The following DYM variants were observed in gnomAD, a reference collection of about 807,000 sequenced individuals.
DYM encodes the protein dyggve-Melchior-Clausen syndrome protein.
Under a neutral mutation model 93.1 loss-of-function variants are expected in DYM, and 78 were observed. The ratio of observed to expected loss-of-function variants is 0.84; its 90% confidence interval spans 0.70 to 1.01. DYM has a LOEUF of 1.01. DYM is among the 50% of genes least tolerant of loss of function. The pLI is 0.00. For synonymous variants in DYM, 321 were observed against 319.7 expected, an observed-to-expected ratio of 1.00 and a Z score of -0.04; for missense variants, 789 against 845.0, an observed-to-expected ratio of 0.93 and a Z score of 0.82.
At chr18:49,444,206 C>T (rs1386074857) in intron 1 of DYM, among the ~76,000 whole-genome samples, 1 of 152,174 alleles carries the variant, frequency 6.6e-6, no homozygotes, top group Non-Finnish European at 1.5e-5. Context: ...ACCGTAATGT[C>T]ACAGGTAAAT....
intron 6 of DYM, among the ~76,000 whole-genome samples, chr18:49,350,430 G>A (rs184948984): frequency 1.3e-5 from 2 of 152,162 alleles, no homozygotes; most frequent in Admixed American, 6.5e-5. Context: ...ACTTTTGGCT[G>A]AGCGCAGTGG....
At chr18:49,236,851 T>C (rs2093882668) in intron 13 of DYM, among the ~76,000 whole-genome samples, 1 of 152,110 alleles carries the variant, frequency 6.6e-6, no homozygotes, top group Non-Finnish European at 1.5e-5. Flanking sequence ...TCTTTGCAAA[T>C]ATAACTTAGC....
At chr18:49,443,603 T>C (rs2081854741) in intron 1 of DYM, among the ~76,000 whole-genome samples, 1 of 152,158 alleles carries the variant, frequency 6.6e-6, no homozygotes, top group Admixed American at 6.6e-5. Context: ...ATAGGAAGTA[T>C]TACTAGACTA....
At position 49,319,308 on chromosome 18, in the gene DYM, C is replaced by G. The variant is rs144313208; in HGVS notation, c.763+12556G>C. Among the ~76,000 whole-genome samples the G allele has an allele frequency of 1.6e-4, 25 of 152,238 alleles. 1 individual carries two copies. The East Asian group carries it at 4.6e-3, about 28-fold the overall frequency. On this transcript the variant is annotated intron_variant, in intron 8 of 17. Coordinates refer to ENST00000675505, the MANE Select transcript of DYM (RefSeq NM_001353214.3). ...ATGTTAATAGGCCTGAAAAATGATACTGATAGCTAGCAAGGCTTCCAATTT... is the reference window on the plus strand; with the variant it reads ...ATGTTAATAGGCCTGAAAAATGATAGTGATAGCTAGCAAGGCTTCCAATTT...
chr18:49,405,644 CTT>C lies in DYM; in HGVS notation c.141-14001_141-14000del, dbSNP rs2071403650. ...TTTGTTACTGTAGCCTTATAGTATA[CTT>C]AGAGGTCAGATAATGTGATGCCTCC... On this transcript the variant is annotated intron_variant, in intron 2 of 17. Coordinates refer to ENST00000675505, the MANE Select transcript of DYM (RefSeq NM_001353214.3). Among the ~76,000 whole-genome samples the C allele has an allele frequency of 2.6e-5, 4 of 152,218 alleles. No individual in the cohort carries two copies. The South Asian group carries it at 8.3e-4, about 32-fold the overall frequency.
intron 13 of DYM, among the ~76,000 whole-genome samples, chr18:49,211,155 T>C (rs577251985): frequency 9.8e-5 from 15 of 152,302 alleles, no homozygotes; most frequent in Admixed American, 2.6e-4. Context: ...TGCTCACCCA[T>C]TGGCAGCTTT....
chr18:49,120,371 A>G (rs2082278368), intron 15 of DYM, among the ~76,000 whole-genome samples: 1 of 152,194 alleles, frequency 6.6e-6, no homozygotes, highest in African/African-American at 2.4e-5. Flanking sequence ...TGAAAGTAAA[A>G]GGATGGAAAA....
Position 49,209,681 on chromosome 18 carries a change from C to G in DYM, c.1495G>C (p.Val499Leu), listed in dbSNP as rs1200039098. Residue 499 changes from valine (V) to leucine (L), a missense_variant, in exon 14 of 18, where the codon GTG becomes CTG. Val to Leu is a conservative substitution (Grantham distance 32). Around this residue, in one of 3 missense-constraint regions of DYM, gnomAD observed 225 missense variants for 303.0 expected, o/e 0.74. Transcript: ENST00000675505. ...TGGGGGAAATACAGTTTGTCCAACA[C>G]ATAAACATATCTCCGCAAGTGGCGG... ...TCRHLRRYVY[V>L]LDKLYFPHSH... 18 of 1,287,366 alleles carry G rather than the reference C, an allele frequency of 1.4e-5. No individual in the cohort carries two copies. The highest frequency in any genetic ancestry group is 1.4e-4 in the Admixed American group (6 of 43,146). 79.7% of individuals were successfully genotyped at this position (1,287,366 alleles called of 1,614,324 possible).
chr18:49,318,048 TCTCTACTCCATTTCA>T (rs2062151312), intron 8 of DYM, among the ~76,000 whole-genome samples: 1 of 152,036 alleles, frequency 6.6e-6, no homozygotes, highest in South Asian at 2.1e-4. Flanking sequence ...CCACTCTAAT[TCTCTACTCCATTTCA>T]CTCTGCTCCA....
At chr18:49,197,234 T>A (rs2091541589) in intron 14 of DYM, among the ~76,000 whole-genome samples, 1 of 152,120 alleles carries the variant, frequency 6.6e-6, no homozygotes, top group South Asian at 2.1e-4. Context: ...CATGTGGATG[T>A]CATGTAAAGT....
intron 7 of DYM, among the ~76,000 whole-genome samples, chr18:49,333,175 G>A (rs1423615628): frequency 6.6e-6 from 1 of 152,228 alleles, no homozygotes. Context: ...ATGTGCATAT[G>A]TGTTGGTCAT....
At chr18:49,083,211 G>A (rs1224340199) in intron 17 of DYM, among the ~76,000 whole-genome samples, 1 of 152,182 alleles carries the variant, frequency 6.6e-6, no homozygotes, top group African/African-American at 2.4e-5. Flanking sequence ...ATAGGTGGCA[G>A]GCAGGATTTG....
At chr18:49,136,838 C>T (rs1029095399) in intron 15 of DYM, among the ~76,000 whole-genome samples, 1 of 152,142 alleles carries the variant, frequency 6.6e-6, no homozygotes, top group Non-Finnish European at 1.5e-5. Flanking sequence ...CCAACTCCCT[C>T]CTTTCTTCTA....
intron 17 of DYM, among the ~76,000 whole-genome samples, chr18:49,045,772 G>A (rs994913207): frequency 5.9e-5 from 9 of 152,108 alleles, no homozygotes; most frequent in African/African-American, 2.2e-4. Context: ...CACAGGAAAG[G>A]CCTGGGTGTG....
chr18:49,096,690 T>A (rs2079575142), intron 17 of DYM, among the ~76,000 whole-genome samples: 1 of 152,204 alleles, frequency 6.6e-6, no homozygotes, highest in Non-Finnish European at 1.5e-5. Context: ...GTATGAGTTT[T>A]ATATTGTGAG....
At chr18:49,268,826 T>C (rs2094618689) in intron 11 of DYM, among the ~76,000 whole-genome samples, 1 of 152,136 alleles carries the variant, frequency 6.6e-6, no homozygotes, top group African/African-American at 2.4e-5. Context: ...AAAAGAAAAG[T>C]CATGTTTAAA....
At chr18:49,235,518 A>G (rs995823943) in intron 13 of DYM, among the ~76,000 whole-genome samples, 4 of 152,202 alleles carry the variant, frequency 2.6e-5, no homozygotes, top group Admixed American at 2.0e-4. Flanking sequence ...GCCTATTTTC[A>G]CTTTCTTAGT....
intron 15 of DYM, among the ~76,000 whole-genome samples, chr18:49,153,273 C>A (rs1215760736): frequency 6.6e-6 from 1 of 152,040 alleles, no homozygotes; most frequent in Non-Finnish European, 1.5e-5. Flanking sequence ...GGAAAAAAAT[C>A]GATTGCACTA....
chr18:49,090,217 C>T (rs1182598489), intron 17 of DYM, among the ~76,000 whole-genome samples: 1 of 152,078 alleles, frequency 6.6e-6, no homozygotes, highest in Admixed American at 6.5e-5. Flanking sequence ...CAAGGAGAGT[C>T]AGAATGGGAG....
Sources: gnomAD v4.1 joint callset for allele counts (sites outside exome capture counted in the v4.1 genomes callset) on GRCh38, gnomAD v4.1.1 for gene constraint, gnomAD v4.1.1 regional missense constraint, MANE v1.5 for transcripts, NCBI Gene and HGNC (gene_info 2026-07-23, HGNC 2026-07-21) for gene names.